SMCO4: variants seen among roughly 807,000 people sequenced by gnomAD.
SMCO4 encodes the protein single-pass membrane and coiled-coil domain-containing protein 4.
In SMCO4, 4 loss-of-function variants were observed where a neutral mutation model predicts 3.6. The ratio of observed to expected loss-of-function variants is 1.11; its 90% CI spans 0.54 to 2.53. The LOEUF (loss-of-function observed/expected upper bound fraction) is 2.53, where lower values mean the gene tolerates loss of function less well. Ranked by LOEUF, SMCO4 falls within the 30% of genes most tolerant of loss-of-function variation. The pLI, the probability that SMCO4 is intolerant of heterozygous loss-of-function variation, is 0.02. For missense variants in SMCO4, 70 were observed against 80.8 expected (o/e 0.87, Z 0.51); for synonymous variants, 36 against 35.3 (o/e 1.02, Z -0.07).
chr11:93,489,244 A>AG (rs1450981697), intron 2 of SMCO4, among the ~76,000 whole-genome samples: 8 of 152,236 alleles, frequency 5.3e-5, no homozygotes, highest in Non-Finnish European at 1.0e-4. Context: ...AAATGGGGCT[A>AG]ATAATTGGAC....
intron 1 of SMCO4, chr11:93,535,743 T>C (rs1384041352): frequency 4.3e-6 from 7 of 1,612,466 alleles, no homozygotes; most frequent in Non-Finnish European, 5.9e-6. Context: ...CTAACATGGA[T>C]GGGCTGAAGA....
At chr11:93,486,345 C>T (rs1948650708) in intron 2 of SMCO4, among the ~76,000 whole-genome samples, 1 of 152,222 alleles carries the variant, frequency 6.6e-6, no homozygotes, top group South Asian at 2.1e-4. Context: ...CCCTACAAGG[C>T]ATGTGGACCA....
chr11:93,483,905 G>A (rs1410356105), intron 2 of SMCO4, among the ~76,000 whole-genome samples: 1 of 152,170 alleles, frequency 6.6e-6, no homozygotes, highest in Non-Finnish European at 1.5e-5. Context: ...CCCCATCATG[G>A]TTCAGCAGCC....
chr11:93,515,999 C>A (rs1393049934), intron 1 of SMCO4, among the ~76,000 whole-genome samples: 1 of 152,172 alleles, frequency 6.6e-6, no homozygotes, highest in Non-Finnish European at 1.5e-5. Context: ...AATTTCTACA[C>A]AGGAGGCTGC....
chr11:93,520,486 A>T (rs1237617871), intron 1 of SMCO4, among the ~76,000 whole-genome samples: 2 of 152,230 alleles, frequency 1.3e-5, no homozygotes, highest in African/African-American at 4.8e-5. Context: ...TGTTGGAAGC[A>T]CAGGCAGGAC....
the SMCO4 span, among the ~76,000 whole-genome samples, chr11:93,549,866 T>A: frequency 6.6e-6 from 1 of 152,224 alleles, no homozygotes; most frequent in Non-Finnish European, 1.5e-5. Flanking sequence ...GTATCAAGTG[T>A]TATAATAAAA....
intron 1 of SMCO4, among the ~76,000 whole-genome samples, chr11:93,534,369 T>TAGAGAGAGAG (rs377624097): frequency 1.0e-4 from 10 of 99,696 alleles, no homozygotes; most frequent in East Asian, 3.7e-4. Context: ...TATATATATA[T>TAGAGAGAGAG]ATATATAGAG....
chr11:93,525,857 G>A (rs917264584), intron 1 of SMCO4, among the ~76,000 whole-genome samples: 2 of 152,160 alleles, frequency 1.3e-5, no homozygotes, highest in African/African-American at 2.4e-5. Context: ...CAGATGAAAC[G>A]TGCACTGCAA....
At chr11:93,536,536 G>C (rs1487492116) in intron 1 of SMCO4, among the ~76,000 whole-genome samples, 1 of 152,188 alleles carries the variant, frequency 6.6e-6, no homozygotes, top group Non-Finnish European at 1.5e-5. Flanking sequence ...GAAAAAAGCA[G>C]TATGATGCAA....
intron 1 of SMCO4, among the ~76,000 whole-genome samples, chr11:93,507,469 C>T (rs1454560708): frequency 6.6e-6 from 1 of 152,140 alleles, no homozygotes; most frequent in Non-Finnish European, 1.5e-5. Flanking sequence ...TACTTAAAGA[C>T]TTTTCAGATG....
rs887244485 is a variant in SMCO4, at chr11:93,539,211, T to G, written c.-154+4065A>C. 8.5e-5 allele frequency among the ~76,000 whole-genome samples: 13 copies of G among 152,198 alleles called. 2 individuals are homozygous for G. The highest frequency in any genetic ancestry group is 7.2e-4 in the Admixed American group (11 of 15,294). ...ACCAACCTAGCTCCAGGGTCCTCTC[T>G]CTTTCCCATCTTGCTATACCAGCTC... On this transcript the variant is annotated intron_variant, in intron 1 of 2. Coordinates refer to ENST00000298966, the MANE Select transcript of SMCO4 (RefSeq NM_020179.3).
chr11:93,492,717 AG>A (rs1454415621), intron 2 of SMCO4, among the ~76,000 whole-genome samples: 1 of 152,164 alleles, frequency 6.6e-6, no homozygotes, highest in Admixed American at 6.5e-5. Context: ...GAAGGTTTTA[AG>A]GGGTAGCAAG....
chr11:93,523,523 G>A (rs1366511306), intron 1 of SMCO4, among the ~76,000 whole-genome samples: 1 of 152,114 alleles, frequency 6.6e-6, no homozygotes. Flanking sequence ...GCTGGACATG[G>A]TGGCACATGC....
At chr11:93,546,256 C>A (rs188698552), upstream of SMCO4, among the ~76,000 whole-genome samples, 1,202 of 152,340 alleles carry the variant, frequency 7.9e-3, 17 homozygotes, top group African/African-American at 0.027. Flanking sequence ...CAGAGCATCA[C>A]ACTTCATGTA....
chr11:93,521,953 TACTGTGTGTCAC>T (rs1949061532), intron 1 of SMCO4, among the ~76,000 whole-genome samples: 1 of 152,230 alleles, frequency 6.6e-6, no homozygotes. Context: ...CACACAGCCT[TACTGTGTGTCAC>T]ACATTGTTAT....
upstream of SMCO4, chr11:93,543,466 T>G (rs937102228): frequency 6.0e-5 from 9 of 151,060 alleles, no homozygotes; most frequent in African/African-American, 1.5e-4. Context: ...CCTAACTCGC[T>G]GGCTGCCCCC....
At chr11:93,528,723 A>C (rs921793692) in intron 1 of SMCO4, among the ~76,000 whole-genome samples, 1 of 152,206 alleles carries the variant, frequency 6.6e-6, no homozygotes, top group Non-Finnish European at 1.5e-5. Flanking sequence ...CCTCTAGATT[A>C]AAGATGAGAG....
intron 1 of SMCO4, among the ~76,000 whole-genome samples, chr11:93,542,825 C>A (rs1036530980): frequency 2.0e-5 from 3 of 152,140 alleles, no homozygotes; most frequent in African/African-American, 7.2e-5. Context: ...CCTGAGCGCA[C>A]CCCTTTCTCG....
At chr11:93,539,857 C>T (rs1270901979) in intron 1 of SMCO4, among the ~76,000 whole-genome samples, 1 of 152,030 alleles carries the variant, frequency 6.6e-6, no homozygotes, top group Non-Finnish European at 1.5e-5. Context: ...AGCCAGCCCA[C>T]TCCTCTCTCT....
Sources: gnomAD v4.1 joint callset for allele counts (sites outside exome capture counted in the v4.1 genomes callset) on GRCh38, gnomAD v4.1.1 for gene constraint, MANE v1.5 for transcripts, NCBI Gene and HGNC (gene_info 2026-07-23, HGNC 2026-07-21) for gene names.